The following ZFHX3 variants were observed in gnomAD, a reference collection of about 807,000 sequenced individuals.
ZFHX3 encodes the protein zinc finger homeobox protein 3.
A neutral mutation model predicts 279.1 loss-of-function variants in ZFHX3; 42 were observed. The observed-to-expected ratio is 0.15, with a 90% CI of 0.12 to 0.19. The LOEUF is 0.19. ZFHX3 is among the 10% of genes least tolerant of loss of function. The pLI is 1.00. For synonymous variants in ZFHX3, 2,293 were observed against 1,957.8 expected, an observed-to-expected ratio of 1.17 and a Z score of -4.52; for missense variants, 4,981 against 4,754.0, an observed-to-expected ratio of 1.05 and a Z score of -1.40.
At chr16:73,510,674 A>G (rs1178111040) in intron 2 of ZFHX3, among the ~76,000 whole-genome samples, 1 of 152,232 alleles carries the variant, frequency 6.6e-6, no homozygotes, top group Non-Finnish European at 1.5e-5. Flanking sequence ...AGCATGTGGT[A>G]TTGTGCAGTA....
intron 1 of ZFHX3, among the ~76,000 whole-genome samples, chr16:73,701,234 T>G (rs1013180665): frequency 6.6e-6 from 1 of 152,234 alleles, no homozygotes; most frequent in Non-Finnish European, 1.5e-5. Flanking sequence ...TCAAGTGATG[T>G]TGGTTTTCTT....
rs376702079 is a variant in ZFHX3, at chr16:72,958,654, C to G, written c.1492G>C (p.Glu498Gln). 5.7e-5 allele frequency: 92 copies of G among 1,614,056 alleles called. 1 individual carries two copies. In the South Asian group the frequency reaches 8.3e-4, roughly 15 times the overall value. The stretch of plus-strand genomic sequence containing the variant: ...CTGTCCTCCAGTTCCTCATCCAACT[C>G]GCTTGGAAAGAGTCCTTTGCAACCC... ...DEGCKGLFPS[E>Q]LDEELEDRPH... Residue 498 changes from glutamate to glutamine, a missense_variant, in exon 2 of 10, where the codon GAG becomes CAG. Glu to Gln is a conservative substitution (Grantham distance 29). Around this residue, in one of 7 missense-constraint regions of ZFHX3, gnomAD observed 1,068 missense variants for 935.2 expected, o/e 1.14. Coordinates refer to ENST00000268489, the MANE Select transcript of ZFHX3 (RefSeq NM_006885.4).
At chr16:73,664,671 A>G (rs1348860651) in intron 2 of ZFHX3, among the ~76,000 whole-genome samples, 1 of 152,224 alleles carries the variant, frequency 6.6e-6, no homozygotes, top group Non-Finnish European at 1.5e-5. Flanking sequence ...TGTCATTTAG[A>G]TGTCCATTAA....
Position 73,261,551 on chromosome 16 carries a change from C to A in ZFHX3, c.-1193-4415G>T, listed in dbSNP as rs2013824240. On this transcript the variant is annotated intron_variant, in intron 4 of 17. Coordinates refer to the ZFHX3 transcript ENST00000641206. The stretch of plus-strand genomic sequence containing the variant: ...AAGCATTATTTTAACCTAAGGTATT[C>A]ATTGAGAACTCAAATATCAGAAGGG... Among the ~76,000 whole-genome samples, 3 of 151,834 alleles carry A rather than the reference C, an allele frequency of 2.0e-5. No homozygotes were observed. In the South Asian group the frequency reaches 6.2e-4, roughly 32 times the overall value.
At chr16:72,956,572 A>G (rs969294204) in intron 2 of ZFHX3, among the ~76,000 whole-genome samples, 2 of 152,180 alleles carry the variant, frequency 1.3e-5, no homozygotes, top group African/African-American at 4.8e-5. Flanking sequence ...CCTATTCTAG[A>G]TATTGTAAGC....
At chr16:73,162,788 A>T (rs1313209548) in intron 5 of ZFHX3, among the ~76,000 whole-genome samples, 2 of 152,188 alleles carry the variant, frequency 1.3e-5, no homozygotes, top group Non-Finnish European at 2.9e-5. Context: ...ACAAATAAAA[A>T]TATTTATTTT....
chr16:72,886,572 C>T (rs533860717), intron 4 of ZFHX3, among the ~76,000 whole-genome samples: 1 of 152,140 alleles, frequency 6.6e-6, no homozygotes, highest in East Asian at 1.9e-4. Context: ...AAAAGGAATT[C>T]TGAGCAGAGT....
intron 1 of ZFHX3, among the ~76,000 whole-genome samples, chr16:73,016,510 A>C (rs1367867237): frequency 6.6e-6 from 1 of 152,124 alleles, no homozygotes; most frequent in Non-Finnish European, 1.5e-5. Flanking sequence ...ACTGGTTTCT[A>C]GTTTGCCTTG....
At chr16:73,398,854 T>G in intron 3 of ZFHX3, among the ~76,000 whole-genome samples, 1 of 74,134 alleles carries the variant, frequency 1.3e-5, no homozygotes, top group South Asian at 3.7e-4. Context: ...TAAGTGGCAG[T>G]GGTTTTTTTT....
intron 6 of ZFHX3, among the ~76,000 whole-genome samples, chr16:73,138,635 G>T (rs1966833247): frequency 6.6e-6 from 1 of 152,042 alleles, no homozygotes; most frequent in Non-Finnish European, 1.5e-5. Flanking sequence ...AGGTCACTAG[G>T]GTTGATGGGA....
At chr16:73,746,701 A>T (rs1436088452) in intron 1 of ZFHX3, among the ~76,000 whole-genome samples, 1 of 152,222 alleles carries the variant, frequency 6.6e-6, no homozygotes, top group East Asian at 1.9e-4. Flanking sequence ...CTTCCCCAAC[A>T]TCAAGATTAA....
upstream of ZFHX3, among the ~76,000 whole-genome samples, chr16:73,052,414 C>A (rs1423931417): frequency 6.6e-6 from 1 of 151,754 alleles, no homozygotes; most frequent in Non-Finnish European, 1.5e-5. Flanking sequence ...GGGCACAAGG[C>A]AGGAAGATAG....
chr16:73,803,158 C>G (rs1960186091), intron 1 of ZFHX3, among the ~76,000 whole-genome samples: 1 of 152,126 alleles, frequency 6.6e-6, no homozygotes, highest in Non-Finnish European at 1.5e-5. Flanking sequence ...GAAGACAACT[C>G]AAAAGAAAAC....
intron 2 of ZFHX3, among the ~76,000 whole-genome samples, chr16:73,573,193 C>A (rs1188894149): frequency 6.6e-6 from 1 of 152,160 alleles, no homozygotes; most frequent in Non-Finnish European, 1.5e-5. Flanking sequence ...CTGCCGCAGG[C>A]GCCCCCAGAA....
chr16:72,813,758 G>A (rs554498011), intron 5 of ZFHX3, among the ~76,000 whole-genome samples: 6 of 152,170 alleles, frequency 3.9e-5, no homozygotes, highest in Admixed American at 6.5e-5. Context: ...ACGGCTGGAT[G>A]TTTAATGTGA....
intron 2 of ZFHX3, among the ~76,000 whole-genome samples, chr16:73,472,987 CT>C (rs200651358): frequency 0.17 from 24,185 of 142,752 alleles, 1,997 homozygotes; most frequent in South Asian, 0.31. Flanking sequence ...AGTGTGCTGT[CT>C]TTTTTTTTTT....
rs1008103041 is a variant in ZFHX3, at chr16:73,483,937, T to G, written c.-1546-27679A>C. 6.6e-5 allele frequency among the ~76,000 whole-genome samples: 10 copies of G among 151,262 alleles called. 1 individual carries two copies. The highest frequency in any genetic ancestry group is 1.5e-4 in the African/African-American group (6 of 41,200). ...TCCCCACCCTCTGCCTTTGTTTTTTTTTTTTTTTTTTTTAATTTCTGCATT... is the reference window on the plus strand; with the variant it reads ...TCCCCACCCTCTGCCTTTGTTTTTTGTTTTTTTTTTTTTAATTTCTGCATT... On this transcript the variant is annotated intron_variant, in intron 2 of 17. Transcript: ENST00000641206.
intron 5 of ZFHX3, among the ~76,000 whole-genome samples, chr16:73,231,068 G>T (rs1415653315): frequency 6.6e-6 from 1 of 152,192 alleles, no homozygotes; most frequent in African/African-American, 2.4e-5. Flanking sequence ...CGGAGTGAAT[G>T]GGGAGAGATG....
At chr16:73,640,982 T>G (rs2052568122) in intron 2 of ZFHX3, among the ~76,000 whole-genome samples, 1 of 152,190 alleles carries the variant, frequency 6.6e-6, no homozygotes, top group Non-Finnish European at 1.5e-5. Context: ...CAGCCGGAAC[T>G]AGAATGGCAT....
Sources: allele counts gnomAD v4.1 joint callset (sites outside exome capture counted in the v4.1 genomes callset), GRCh38; gene constraint gnomAD v4.1.1; regional missense constraint gnomAD v4.1.1; transcripts MANE v1.5; gene names NCBI Gene and HGNC (gene_info 2026-07-23, HGNC 2026-07-21).